The following ESR2 variants were observed in gnomAD, a reference collection of about 807,000 sequenced individuals.
ESR2 encodes estrogen receptor 2.
ESR2 carries 36 observed loss-of-function variants against 49.6 expected under a neutral mutation model. That is an observed-to-expected ratio of 0.73 (90% CI 0.56 to 0.96). ESR2 has a LOEUF of 0.96. Ranked by LOEUF, ESR2 falls within the 40% of genes least tolerant of loss-of-function variation. The pLI is 0.00. For synonymous variants in ESR2, 320 were observed against 266.1 expected, an observed-to-expected ratio of 1.20 and a Z score of -1.97; for missense variants, 714 against 693.0, an observed-to-expected ratio of 1.03 and a Z score of -0.34.
At chr14:64,295,080 C>T (rs1408267326), upstream of ESR2, among the ~76,000 whole-genome samples, 1 of 152,210 alleles carries the variant, frequency 6.6e-6, no homozygotes, top group Non-Finnish European at 1.5e-5. Flanking sequence ...TCCCCTCACC[C>T]ACCCCAGCAG....
chr14:64,257,141 A>T (rs1448073071), intron 6 of ESR2, 85 bp downstream of exon 6: 7 of 1,287,316 alleles, frequency 5.4e-6, no homozygotes, highest in African/African-American at 1.5e-5. Flanking sequence ...TGAGATTTTA[A>T]TTGCAGCACC....
intron 1 of ESR2, among the ~76,000 whole-genome samples, chr14:64,290,670 T>A (rs1000691009): frequency 6.6e-6 from 1 of 152,186 alleles, no homozygotes. Context: ...CCCAAAGTGC[T>A]GAGATTACAG....
intron 1 of ESR2, among the ~76,000 whole-genome samples, chr14:64,288,986 C>CAAAA (rs35178946): frequency 3.6e-5 from 2 of 55,650 alleles, no homozygotes; most frequent in Non-Finnish European, 8.5e-5. Context: ...AACTCTGTCT[C>CAAAA]AAAAAAAAAA....
chr14:64,290,478 C>G (rs540018406), intron 1 of ESR2, among the ~76,000 whole-genome samples: 1 of 152,298 alleles, frequency 6.6e-6, no homozygotes, highest in East Asian at 1.9e-4. Flanking sequence ...TCGCGGCTCA[C>G]TGTAAACTCG....
At chr14:64,294,783 C>A (rs1046062955), upstream of ESR2, among the ~76,000 whole-genome samples, 2 of 152,234 alleles carry the variant, frequency 1.3e-5, no homozygotes, top group African/African-American at 4.8e-5. Flanking sequence ...TTGGGTTTGT[C>A]AAATCCCCAG....
chr14:64,315,077 C>G (rs997961074), intron 1 of ESR2, among the ~76,000 whole-genome samples: 1 of 149,514 alleles, frequency 6.7e-6, no homozygotes, highest in African/African-American at 2.5e-5. Context: ...AACCCCATCT[C>G]TACTAAAAAT....
chr14:64,230,504 G>A lies in ESR2; in HGVS notation c.*2633C>T, dbSNP rs186662205. On this transcript the variant is annotated 3_prime_UTR_variant, in exon 9 of 9. Transcript: ENST00000341099. ...GGGGGAGTATTCCAGACCAAGACTC[G>A]CACTGTACAGCTCCTGCCGATTTTG... is the stretch of plus-strand genomic sequence containing the variant. Among the ~76,000 whole-genome samples, 12 of 152,114 alleles carry A rather than the reference G, an allele frequency of 7.9e-5. No homozygotes were observed. Among genetic ancestry groups the A allele is most frequent in the East Asian group, 1.9e-4 (1 of 5,186 alleles).
chr14:64,279,393 A>G (rs2076620596), intron 3 of ESR2, among the ~76,000 whole-genome samples: 1 of 152,136 alleles, frequency 6.6e-6, no homozygotes, highest in South Asian at 2.1e-4. Flanking sequence ...GTTGATTTAA[A>G]AAAAAAAATC....
At chr14:64,267,038 G>A (rs1483666450) in intron 4 of ESR2, among the ~76,000 whole-genome samples, 3 of 152,066 alleles carry the variant, frequency 2.0e-5, no homozygotes, top group South Asian at 4.2e-4. Context: ...ATGCCACCAC[G>A]CCCGGCTAAT....
At chr14:64,332,616 C>G (rs1380297152) in intron 1 of ESR2, among the ~76,000 whole-genome samples, 1 of 151,688 alleles carries the variant, frequency 6.6e-6, no homozygotes, top group Non-Finnish European at 1.5e-5. Context: ...CTGGCTAACA[C>G]GGTGAAACCC....
At chr14:64,287,692 C>CA (rs376197002) in intron 1 of ESR2, among the ~76,000 whole-genome samples, 141 of 151,954 alleles carry the variant, frequency 9.3e-4, no homozygotes, top group African/African-American at 2.9e-3. Flanking sequence ...GAACAGGTAG[C>CA]AAAAAAAGAC....
At chr14:64,273,184 A>G (rs1224541143) in intron 3 of ESR2, among the ~76,000 whole-genome samples, 3 of 152,112 alleles carry the variant, frequency 2.0e-5, no homozygotes, top group African/African-American at 7.2e-5. Flanking sequence ...TGATCCTGCA[A>G]CTTTACTGAA....
chr14:64,253,810 A>G (rs2076042578), intron 6 of ESR2, among the ~76,000 whole-genome samples: 1 of 152,132 alleles, frequency 6.6e-6, no homozygotes, highest in Non-Finnish European at 1.5e-5. Flanking sequence ...ATACATATAC[A>G]ATTCCACGGA....
chr14:64,258,274 A>G (rs1167667592), intron 5 of ESR2, among the ~76,000 whole-genome samples: 1 of 152,228 alleles, frequency 6.6e-6, no homozygotes, highest in Non-Finnish European at 1.5e-5. Context: ...CTGACAACCT[A>G]ATAACCCATG....
chr14:64,309,318 T>C (rs1163887073), intron 1 of ESR2, among the ~76,000 whole-genome samples: 1 of 152,188 alleles, frequency 6.6e-6, no homozygotes, highest in Non-Finnish European at 1.5e-5. Flanking sequence ...TCTCAAGTAA[T>C]AGAGAATCTT....
intron 1 of ESR2, among the ~76,000 whole-genome samples, chr14:64,300,356 G>A (rs61984418): frequency 0.062 from 9,358 of 152,106 alleles, 351 homozygotes; most frequent in Non-Finnish European, 0.075. Flanking sequence ...CCTTTCAACC[G>A]GACCCCATCC....
chr14:64,285,324 G>A (rs1248872527), intron 1 of ESR2, among the ~76,000 whole-genome samples: 2 of 152,132 alleles, frequency 1.3e-5, no homozygotes, highest in Non-Finnish European at 2.9e-5. Flanking sequence ...ATGCCACTAT[G>A]TTGCCTCAAC....
chr14:64,290,081 G>A (rs547307100), intron 1 of ESR2, among the ~76,000 whole-genome samples: 1 of 152,150 alleles, frequency 6.6e-6, no homozygotes, highest in South Asian at 2.1e-4. Context: ...TAGCTTTTTT[G>A]GGGGGTGGGG....
chr14:64,306,808 T>C (rs1300348305), intron 1 of ESR2, among the ~76,000 whole-genome samples: 3 of 152,194 alleles, frequency 2.0e-5, no homozygotes, highest in Non-Finnish European at 2.9e-5. Flanking sequence ...TTGGGAAGTA[T>C]TCCATTGGCT....
Sources: allele counts gnomAD v4.1 joint callset (sites outside exome capture counted in the v4.1 genomes callset), GRCh38; gene constraint gnomAD v4.1.1; transcripts MANE v1.5; gene names NCBI Gene and HGNC (gene_info 2026-07-23, HGNC 2026-07-21).